SRRM4: variants seen among roughly 807,000 people sequenced by gnomAD.
The protein encoded by SRRM4 is serine/arginine repetitive matrix 4.
In SRRM4, 33 loss-of-function variants were observed where a neutral mutation model predicts 68.9. The observed-to-expected ratio is 0.48, with a 90% confidence interval of 0.36 to 0.64. The LOEUF (loss-of-function observed/expected upper bound fraction) is 0.64. SRRM4 is among the 30% of genes least tolerant of loss of function. The probability of loss-of-function intolerance (pLI) is 0.00; values close to 1 mark genes in which losing one functional copy is unlikely to be tolerated. For missense variants in SRRM4, 817 were observed against 827.1 expected, an observed-to-expected ratio of 0.99 and a Z score of 0.15; for synonymous variants, 318 against 318.8, an observed-to-expected ratio of 1.00 and a Z score of 0.03.
At chr12:119,077,915 C>G (rs184025018) in intron 1 of SRRM4, among the ~76,000 whole-genome samples, 4 of 152,202 alleles carry the variant, frequency 2.6e-5, no homozygotes, top group Admixed American at 2.6e-4. Flanking sequence ...TCCAGATGCC[C>G]CACATATAGG....
rs1395812404 is a variant in SRRM4, at chr12:119,084,645, C to T, written c.132-17591C>T. 2.0e-5 allele frequency among the ~76,000 whole-genome samples: 3 copies of T among 152,186 alleles called. No homozygotes were observed. In the East Asian group the frequency reaches 5.8e-4, roughly 29 times the overall value. On this transcript the variant is annotated intron_variant, in intron 1 of 12. Coordinates refer to ENST00000267260, the MANE Select transcript of SRRM4 (RefSeq NM_194286.4). ...GTTTACTGAAGACGGATGGAGGGCC[C>T]ATCATTTTCTTAGGTGCTGAGGATA...
rs1954165193 is a variant in SRRM4, at chr12:119,114,502, T to C, written c.365+138T>C. On this transcript the variant is annotated intron_variant, in intron 3 of 12. Coordinates refer to ENST00000267260, the MANE Select transcript of SRRM4 (RefSeq NM_194286.4). ...AACTAGCTGTGTGACCTTGGGCAAG[T>C]CACTTTACATCTCTGTTCCTGTTTT... The C allele has an allele frequency of 2.8e-5, 18 of 634,572 alleles. No individual in the cohort carries two copies. In the South Asian group the frequency reaches 3.3e-4, roughly 12 times the overall value. The allele number at this position is 634,572 out of a possible 1,614,324, so 39.3% of individuals were successfully genotyped here.
rs148421112 is a variant in SRRM4 at position 119,065,322 on chromosome 12, C to T, written c.132-36914C>T. 5.3e-5 allele frequency among the ~76,000 whole-genome samples: 8 copies of T among 152,298 alleles called. 2 individuals are homozygous for T. Among genetic ancestry groups the T allele is most frequent in the African/African-American group, 1.9e-4 (8 of 41,544 alleles). ...GTAGACAGCTCCAAGTGAGTCAGAT[C>T]CCCTGACTGAAACAGGGAAATATCA... On this transcript the variant is annotated intron_variant, in intron 1 of 12. Coordinates refer to ENST00000267260, the MANE Select transcript of SRRM4 (RefSeq NM_194286.4).
chr12:119,089,350 G>C (rs1240881802), intron 1 of SRRM4, among the ~76,000 whole-genome samples: 1 of 152,148 alleles, frequency 6.6e-6, no homozygotes, highest in African/African-American at 2.4e-5. Context: ...TAATGGGTTT[G>C]ACTTTTAAAA....
chr12:119,117,661 C>T (rs1035854947), intron 4 of SRRM4, among the ~76,000 whole-genome samples: 5 of 152,044 alleles, frequency 3.3e-5, no homozygotes, highest in African/African-American at 1.2e-4. Flanking sequence ...ATACTGTAGT[C>T]CTGGCACTTT....
Position 119,072,140 on chromosome 12 carries a change from C to G in SRRM4, c.132-30096C>G, listed in dbSNP as rs189774529. Among the ~76,000 whole-genome samples, 40 of 152,302 alleles carry G rather than the reference C, an allele frequency of 2.6e-4. 1 individual carries two copies. Among genetic ancestry groups the G allele is most frequent in the Admixed American group, 2.6e-4 (4 of 15,302 alleles). On this transcript the variant is annotated intron_variant, in intron 1 of 12. Coordinates refer to ENST00000267260, the MANE Select transcript of SRRM4 (RefSeq NM_194286.4). ...GTCATGAGGACAAAAGGAGATAATG[C>G]CTTTGCAGATACAATAGTAAGAATT...
intron 1 of SRRM4, chr12:118,992,096 T>C (rs576182364): frequency 6.6e-6 from 1 of 152,354 alleles, no homozygotes; most frequent in South Asian, 2.1e-4. Flanking sequence ...AGATATGAGA[T>C]AAAAGAAACT....
chr12:119,072,412 G>C lies in SRRM4; in HGVS notation c.132-29824G>C, dbSNP rs1303368532. On this transcript the variant is annotated intron_variant, in intron 1 of 12. Transcript: ENST00000267260. ...CATTTGCCCAGGCACTATTAGTCCT[G>C]ATCTCTCATTTGAGGGAAGGATGAA... 4.6e-5 allele frequency among the ~76,000 whole-genome samples: 7 copies of C among 152,132 alleles called. 1 individual carries two copies. The highest frequency in any genetic ancestry group is 7.4e-5 in the Non-Finnish European group (5 of 68,022).
chr12:119,130,077 T>A (rs1017710051), intron 7 of SRRM4, among the ~76,000 whole-genome samples: 4 of 143,814 alleles, frequency 2.8e-5, no homozygotes, highest in Admixed American at 6.9e-5. Context: ...GGATGGATGG[T>A]TGGATGATTG....
At chr12:119,042,579 C>A (rs1953676530) in intron 1 of SRRM4, among the ~76,000 whole-genome samples, 1 of 147,696 alleles carries the variant, frequency 6.8e-6, no homozygotes, top group Non-Finnish European at 1.5e-5. Flanking sequence ...GGGTGGTAGA[C>A]AATGGAAGAT....
intron 1 of SRRM4, among the ~76,000 whole-genome samples, chr12:119,047,373 T>G (rs1331228062): frequency 6.6e-6 from 1 of 152,086 alleles, no homozygotes; most frequent in Non-Finnish European, 1.5e-5. Context: ...GAACAGGTGG[T>G]GCTTGGTTCC....
chr12:119,038,441 G>C (rs1347910441), intron 1 of SRRM4, among the ~76,000 whole-genome samples: 2 of 152,092 alleles, frequency 1.3e-5, no homozygotes, highest in African/African-American at 2.4e-5. Context: ...TCGATCTCCT[G>C]ACCTCGTGAT....
intron 1 of SRRM4, chr12:119,069,500 C>CT (rs1953865172): frequency 6.6e-6 from 1 of 152,318 alleles, no homozygotes; most frequent in African/African-American, 2.4e-5. Context: ...CTAAATCTGA[C>CT]TGGAGCTGAG....
intron 9 of SRRM4, 86 bp downstream of exon 9, chr12:119,145,771 C>T (rs1167783991): frequency 1.5e-5 from 17 of 1,137,212 alleles, no homozygotes; most frequent in Middle Eastern, 4.3e-4. Flanking sequence ...TCCCCCACTC[C>T]ACCCCCAAGA....
At chr12:119,013,145 A>G (rs1953460245) in intron 1 of SRRM4, among the ~76,000 whole-genome samples, 1 of 152,246 alleles carries the variant, frequency 6.6e-6, no homozygotes, top group Admixed American at 6.5e-5. Flanking sequence ...ATGTTTGCAC[A>G]TGAGTAACAA....
intron 1 of SRRM4, among the ~76,000 whole-genome samples, chr12:119,092,744 A>G (rs1369681236): frequency 1.3e-5 from 2 of 152,026 alleles, no homozygotes; most frequent in African/African-American, 2.4e-5. Flanking sequence ...TAGGCTCAGC[A>G]AGATGCCAGA....
chr12:118,981,869 C>A lies in SRRM4; in HGVS notation c.-14C>A. On this transcript the variant is annotated 5_prime_UTR_variant, in exon 1 of 13. Transcript: ENST00000267260. ...GGACAGCGCCCCGGACGCCCCGGCC[C>A]CTTTGGGTTGGCGATGGCGAGCGTT... 1 of 1,612,892 alleles carries A rather than the reference C, an allele frequency of 6.2e-7. No individual in the cohort carries two copies.
At position 119,156,779 on chromosome 12, in the gene SRRM4, A is replaced by AC; in HGVS notation, c.1818dup (p.Ser607LeufsTer34). The AC allele has an allele frequency of 3.3e-6, 5 of 1,537,230 alleles. No individual in the cohort carries two copies. The highest frequency in any genetic ancestry group is 4.4e-6 in the Non-Finnish European group (5 of 1,142,244). On this transcript the variant is annotated frameshift_variant, in exon 13 of 13. Coordinates refer to ENST00000267260, the MANE Select transcript of SRRM4 (RefSeq NM_194286.4). LOFTEE classifies it high-confidence loss of function. ...CGGAGCTACAGCTCAGCAGACAGCT[A>AC]CTCCAGCACGAGGCGCTAAGTGCCC...
chr12:118,987,842 A>G (rs1241421029), intron 1 of SRRM4, among the ~76,000 whole-genome samples: 1 of 152,228 alleles, frequency 6.6e-6, no homozygotes, highest in Non-Finnish European at 1.5e-5. Flanking sequence ...TTAGTAGAAA[A>G]GGTAGACACA....
Sources: gnomAD v4.1 joint callset for allele counts (sites outside exome capture counted in the v4.1 genomes callset) on GRCh38, gnomAD v4.1.1 for gene constraint, MANE v1.5 for transcripts, NCBI Gene and HGNC (gene_info 2026-07-23, HGNC 2026-07-21) for gene names.